Variants in WDFY2 observed in about 807,000 individuals in gnomAD.
WDFY2 encodes WD repeat and FYVE domain-containing protein 2.
Under a neutral mutation model 56.4 loss-of-function variants are expected in WDFY2, and 36 were observed. The ratio of observed to expected loss-of-function variants is 0.64; its 90% confidence interval spans 0.49 to 0.84. The LOEUF is 0.84. Among genes scored for constraint, WDFY2 ranks in the 40% least tolerant of loss-of-function variants. The pLI is 0.00. For missense variants in WDFY2, 444 were observed against 512.2 expected, an observed-to-expected ratio of 0.87 and a Z score of 1.29; for synonymous variants, 176 against 183.7, an observed-to-expected ratio of 0.96 and a Z score of 0.34.
At chr13:51,712,431 TTAAAA>T (rs1170022420) in intron 4 of WDFY2, among the ~76,000 whole-genome samples, 1 of 151,980 alleles carries the variant, frequency 6.6e-6, no homozygotes, top group African/African-American at 2.4e-5. Flanking sequence ...ACCCTAGAAC[TTAAAA>T]TATAATAATA....
chr13:51,599,435 AG>A (rs1954223431), intron 1 of WDFY2: 1 of 158,448 alleles, frequency 6.3e-6, no homozygotes, highest in South Asian at 2.0e-4. Flanking sequence ...CTGCTCACAA[AG>A]AAGGCTCAAG....
intron 1 of WDFY2, chr13:51,593,986 C>T (rs991130287): frequency 6.6e-6 from 1 of 152,228 alleles, no homozygotes; most frequent in African/African-American, 2.4e-5. Context: ...ATTCCCACTA[C>T]TGATCAGCAA....
In WDFY2 at chr13:51,618,537, C is replaced by T. The variant is rs566271310; in HGVS notation, c.137+33713C>T. ...AGTGGACATAGAATCAGTTATACCA[C>T]CTGGTCCCTTATCTGGATAACTTTA... On this transcript the variant is annotated intron_variant, in intron 1 of 11. Coordinates refer to ENST00000298125, the MANE Select transcript of WDFY2 (RefSeq NM_052950.4). Among the ~76,000 whole-genome samples, 10 of 152,310 alleles carry T rather than the reference C, an allele frequency of 6.6e-5. No homozygotes were observed. The South Asian group carries it at 1.4e-3, about 22-fold the overall frequency.
chr13:51,719,668 A>G (rs964651199), intron 5 of WDFY2, among the ~76,000 whole-genome samples: 1 of 152,338 alleles, frequency 6.6e-6, no homozygotes, highest in East Asian at 1.9e-4. Context: ...CATGAAGATG[A>G]AATCACCAAA....
chr13:51,734,775 A>T (rs1318304905), intron 6 of WDFY2, among the ~76,000 whole-genome samples: 1 of 152,232 alleles, frequency 6.6e-6, no homozygotes, highest in Non-Finnish European at 1.5e-5. Flanking sequence ...ATTATTCTGT[A>T]GGTCATATTA....
At position 51,752,258 on chromosome 13, in the gene WDFY2, T is replaced by G. The variant is rs1953254631; in HGVS notation, c.831+843T>G. ...CCAGTAATTATATGCTTAAGAAGAT[T>G]AAAGCTTTATTTGCTCAGATCTTAA... On this transcript the variant is annotated intron_variant, in intron 8 of 11. Coordinates refer to ENST00000298125, the MANE Select transcript of WDFY2 (RefSeq NM_052950.4). Among the ~76,000 whole-genome samples the G allele has an allele frequency of 2.6e-5, 4 of 152,212 alleles. No individual in the cohort carries two copies. The South Asian group carries it at 8.3e-4, about 32-fold the overall frequency.
At chr13:51,610,946 A>G (rs983043048) in intron 1 of WDFY2, among the ~76,000 whole-genome samples, 1 of 152,206 alleles carries the variant, frequency 6.6e-6, no homozygotes, top group African/African-American at 2.4e-5. Context: ...CTGTCAATTT[A>G]TTTCCCCTAG....
chr13:51,750,684 C>T (rs1371803332), intron 7 of WDFY2, among the ~76,000 whole-genome samples: 1 of 152,064 alleles, frequency 6.6e-6, no homozygotes, highest in Non-Finnish European at 1.5e-5. Context: ...AACTTGTCAG[C>T]CATGCACAAA....
At chr13:51,709,601 A>C (rs1952163657) in intron 4 of WDFY2, among the ~76,000 whole-genome samples, 1 of 152,162 alleles carries the variant, frequency 6.6e-6, no homozygotes, top group African/African-American at 2.4e-5. Flanking sequence ...GATAAAGGGG[A>C]TATCACCACC....
At chr13:51,616,514 G>T (rs963722145) in intron 1 of WDFY2, among the ~76,000 whole-genome samples, 1 of 152,164 alleles carries the variant, frequency 6.6e-6, no homozygotes, top group Non-Finnish European at 1.5e-5. Flanking sequence ...TTAACCCAAA[G>T]ATTTATTTCT....
At chr13:51,734,304 T>C (rs1048180606) in intron 6 of WDFY2, among the ~76,000 whole-genome samples, 3 of 152,226 alleles carry the variant, frequency 2.0e-5, no homozygotes, top group Non-Finnish European at 4.4e-5. Context: ...CTCTGATTCA[T>C]TTCTACATTT....
chr13:51,715,828 G>A (rs1016206475), intron 4 of WDFY2, among the ~76,000 whole-genome samples: 10 of 152,120 alleles, frequency 6.6e-5, no homozygotes, highest in Non-Finnish European at 1.0e-4. Flanking sequence ...GAACAGCCAC[G>A]CCCTTTCAGC....
At chr13:51,722,283 T>G (rs1952508217) in intron 5 of WDFY2, among the ~76,000 whole-genome samples, 1 of 152,096 alleles carries the variant, frequency 6.6e-6, no homozygotes, top group South Asian at 2.1e-4. Context: ...ATTCCTCTTC[T>G]TTCAGGCGTC....
intron 1 of WDFY2, among the ~76,000 whole-genome samples, chr13:51,650,808 C>T (rs1266229423): frequency 4.6e-5 from 7 of 152,242 alleles, no homozygotes; most frequent in East Asian, 1.9e-4. Context: ...TTGCTGGATT[C>T]GGTTTGCCAG....
At chr13:51,678,727 A>G (rs1312337878) in intron 3 of WDFY2, among the ~76,000 whole-genome samples, 1 of 152,216 alleles carries the variant, frequency 6.6e-6, no homozygotes, top group Non-Finnish European at 1.5e-5. Context: ...TTCTGGTCTC[A>G]AAGACTTTAT....
intron 6 of WDFY2, among the ~76,000 whole-genome samples, chr13:51,730,501 C>A (rs1195350892): frequency 6.6e-6 from 1 of 152,162 alleles, no homozygotes; most frequent in African/African-American, 2.4e-5. Context: ...CTCAGCCATT[C>A]CTCCCAGTCC....
At chr13:51,729,989 C>A (rs923821510) in intron 6 of WDFY2, among the ~76,000 whole-genome samples, 1 of 152,190 alleles carries the variant, frequency 6.6e-6, no homozygotes, top group African/African-American at 2.4e-5. Context: ...CATCCTCCCC[C>A]TCGGCCCCCC....
At chr13:51,674,633 C>A (rs79052435) in intron 2 of WDFY2, among the ~76,000 whole-genome samples, 2,005 of 152,172 alleles carry the variant, frequency 0.013, 26 homozygotes, top group Non-Finnish European at 0.022. Flanking sequence ...CAGCACACCC[C>A]CAAAGGCCAA....
intron 1 of WDFY2, among the ~76,000 whole-genome samples, chr13:51,625,520 A>G (rs948435480): frequency 2.0e-5 from 3 of 152,340 alleles, no homozygotes; most frequent in South Asian, 4.1e-4. Flanking sequence ...TAAAAAACAA[A>G]TTGATATTTT....
Sources: allele counts gnomAD v4.1 joint callset (sites outside exome capture counted in the v4.1 genomes callset), GRCh38; gene constraint gnomAD v4.1.1; transcripts MANE v1.5; gene names NCBI Gene and HGNC (gene_info 2026-07-23, HGNC 2026-07-21).